CFAP161: variants seen among roughly 807,000 people sequenced by gnomAD.
CFAP161 encodes cilia- and flagella-associated protein 161.
A neutral mutation model predicts 29.0 loss-of-function variants in CFAP161; 25 were observed. The observed-to-expected ratio is 0.86, with a 90% CI of 0.63 to 1.20. The LOEUF (loss-of-function observed/expected upper bound fraction) is 1.20, where lower values mean the gene tolerates loss of function less well. Ranked by LOEUF, CFAP161 falls within the 50% of genes most tolerant of loss-of-function variation. CFAP161 has a pLI of 0.00. For missense variants in CFAP161, 367 were observed against 371.9 expected, an observed-to-expected ratio of 0.99 and a Z score of 0.11; for synonymous variants, 116 against 137.4, an observed-to-expected ratio of 0.84 and a Z score of 1.09.
At chr15:81,116,320 T>A (rs553742076) in intron 1 of CFAP161, among the ~76,000 whole-genome samples, 1 of 152,202 alleles carries the variant, frequency 6.6e-6, no homozygotes, top group Admixed American at 6.5e-5. Context: ...TTGAGATGGA[T>A]TCTTGCTCTG....
chr15:81,119,223 T>A (rs1295037441), intron 1 of CFAP161, among the ~76,000 whole-genome samples: 1 of 152,194 alleles, frequency 6.6e-6, no homozygotes. Context: ...TGACAAAAAC[T>A]TAGACTAGCC....
At chr15:81,134,123 G>A (rs1567156768), upstream of CFAP161, 1 of 565,712 alleles carries the variant, frequency 1.8e-6, no homozygotes, top group Non-Finnish European at 3.1e-6. Flanking sequence ...AAATCTAAGA[G>A]GTGGAAGTGG....
In CFAP161 at chr15:81,147,885, T is replaced by C; in HGVS notation, c.664T>C (p.Cys222Arg). The stretch of plus-strand genomic sequence containing the variant: ...AAATGCTAAAATTCTCATCAATCAC[T>C]GTCACACAAATCGGGGACTGGCAGC... The part of the protein sequence containing the change: ...PANAKILINH[C>R]HTNRGLAAHR... Residue 222 changes from cysteine to arginine, a missense_variant, in exon 6 of 7, where the codon TGT becomes CGT. Physicochemically the swap from Cys to Arg is radical, Grantham distance 180. Transcript: ENST00000286732. 1.2e-6 allele frequency: 2 copies of C among 1,612,040 alleles called. No individual in the cohort carries two copies. Among genetic ancestry groups the C allele is most frequent in the African/African-American group, 1.3e-5 (1 of 74,970 alleles).
At chr15:81,109,740 A>G (rs1288812327) in intron 1 of CFAP161, among the ~76,000 whole-genome samples, 1 of 152,194 alleles carries the variant, frequency 6.6e-6, no homozygotes, top group East Asian at 1.9e-4. Flanking sequence ...TGAGATGTCT[A>G]TGATGTTGGT....
intron 1 of CFAP161, among the ~76,000 whole-genome samples, chr15:81,107,942 G>C (rs917894561): frequency 4.6e-5 from 7 of 151,334 alleles, no homozygotes; most frequent in African/African-American, 1.7e-4. Flanking sequence ...TTTGATGGTG[G>C]GTTTTAGTTC....
chr15:81,147,469 C>T (rs530709044), intron 5 of CFAP161, among the ~76,000 whole-genome samples: 6 of 152,120 alleles, frequency 3.9e-5, no homozygotes, highest in Non-Finnish European at 8.8e-5. Context: ...TTGATTTATA[C>T]ATCATAAATG....
At chr15:81,139,842 G>A (rs560431665) in intron 4 of CFAP161, among the ~76,000 whole-genome samples, 5 of 152,192 alleles carry the variant, frequency 3.3e-5, no homozygotes, top group South Asian at 4.2e-4. Flanking sequence ...TTGTAATGGG[G>A]TGTACCAATT....
At chr15:81,110,491 T>A (rs1409371332) in intron 1 of CFAP161, among the ~76,000 whole-genome samples, 1 of 152,190 alleles carries the variant, frequency 6.6e-6, no homozygotes, top group African/African-American at 2.4e-5. Context: ...CACCCTTGCC[T>A]CTGGGTGCTT....
At chr15:81,105,623 G>A (rs1319134194) in intron 1 of CFAP161, among the ~76,000 whole-genome samples, 2 of 152,056 alleles carry the variant, frequency 1.3e-5, no homozygotes, top group Non-Finnish European at 2.9e-5. Flanking sequence ...AATAGAGGAG[G>A]GTTTCCTGCA....
At chr15:81,125,042 T>C (rs1650225314) in intron 1 of CFAP161, among the ~76,000 whole-genome samples, 1 of 151,778 alleles carries the variant, frequency 6.6e-6, no homozygotes, top group Admixed American at 6.6e-5. Context: ...GTATCTATTA[T>C]TTATTTAACA....
At chr15:81,105,425 C>A (rs1437644427) in intron 1 of CFAP161, among the ~76,000 whole-genome samples, 6 of 147,364 alleles carry the variant, frequency 4.1e-5, no homozygotes, top group Non-Finnish European at 9.0e-5. Context: ...TCCTTCTCTT[C>A]TTTCTTTTCT....
chr15:81,142,168 C>T (rs1457325450), intron 4 of CFAP161, among the ~76,000 whole-genome samples: 1 of 152,026 alleles, frequency 6.6e-6, no homozygotes, highest in East Asian at 1.9e-4. Flanking sequence ...TTTCTCTTGC[C>T]CCAGTGCAGC....
At chr15:81,145,435 AT>A (rs1453838848) in intron 5 of CFAP161, among the ~76,000 whole-genome samples, 1 of 152,194 alleles carries the variant, frequency 6.6e-6, no homozygotes, top group Non-Finnish European at 1.5e-5. Flanking sequence ...TGGTTAGTAC[AT>A]TTAGAGTGCT....
chr15:81,128,031 G>A (rs547718519), intron 2 of CFAP161, among the ~76,000 whole-genome samples: 1 of 152,300 alleles, frequency 6.6e-6, no homozygotes, highest in South Asian at 2.1e-4. Context: ...ACCAGTCCAA[G>A]GTTGGATAGG....
At chr15:81,122,147 G>C (rs891656848) in intron 1 of CFAP161, among the ~76,000 whole-genome samples, 1 of 152,052 alleles carries the variant, frequency 6.6e-6, no homozygotes, top group Non-Finnish European at 1.5e-5. Flanking sequence ...CCATGTCTTT[G>C]CTATTGTGAA....
chr15:81,104,403 C>G (rs754846762), intron 1 of CFAP161, among the ~76,000 whole-genome samples: 1 of 152,196 alleles, frequency 6.6e-6, no homozygotes, highest in Admixed American at 6.5e-5. Context: ...CTAGGCCTTA[C>G]CCAGGTCGTC....
chr15:81,112,811 A>G (rs1483428210), intron 1 of CFAP161, among the ~76,000 whole-genome samples: 1 of 152,204 alleles, frequency 6.6e-6, no homozygotes, highest in African/African-American at 2.4e-5. Context: ...AAAGAAAACA[A>G]TAGCAAATTA....
intron 1 of CFAP161, among the ~76,000 whole-genome samples, chr15:81,110,392 C>G (rs752146989): frequency 7.9e-5 from 12 of 152,190 alleles, no homozygotes; most frequent in Middle Eastern, 3.4e-3. Flanking sequence ...TGAAGCCCCC[C>G]ACTCCCTCCA....
intron 1 of CFAP161, among the ~76,000 whole-genome samples, chr15:81,104,798 A>G (rs1894341891): frequency 6.6e-6 from 1 of 152,206 alleles, no homozygotes; most frequent in African/African-American, 2.4e-5. Context: ...AAAATTTTAC[A>G]TAAATGGCAC....
Sources: gnomAD v4.1 joint callset for allele counts (sites outside exome capture counted in the v4.1 genomes callset) on GRCh38, gnomAD v4.1.1 for gene constraint, MANE v1.5 for transcripts, NCBI Gene and HGNC (gene_info 2026-07-23, HGNC 2026-07-21) for gene names.